Variants in CACNG3 observed in about 807,000 individuals in gnomAD.
CACNG3 encodes calcium voltage-gated channel auxiliary subunit gamma 3, also known as voltage-dependent calcium channel gamma-3 subunit.
Under a neutral mutation model 28.5 loss-of-function variants are expected in CACNG3, and 3 were observed. That is an observed-to-expected ratio of 0.11 (90% CI 0.05 to 0.27). The LOEUF (loss-of-function observed/expected upper bound fraction) is 0.27. Ranked by LOEUF, CACNG3 falls within the 10% of genes least tolerant of loss-of-function variation. CACNG3 has a pLI of 1.00. For missense variants in CACNG3, 236 were observed against 414.4 expected (o/e 0.57, Z 3.74); for synonymous variants, 174 against 162.2 (o/e 1.07, Z -0.55).
In CACNG3 at chr16:24,362,019, C is replaced by A; in HGVS notation, c.*156C>A. On this transcript the variant is annotated 3_prime_UTR_variant, in exon 4 of 4. Coordinates refer to ENST00000005284, the MANE Select transcript of CACNG3 (RefSeq NM_006539.4). ...GCCCTCTCCCACATTTTCCCCTCAC[C>A]CTCCAAGTCCTAACCCCTCCATCCT... 1 of 679,084 alleles carries A rather than the reference C, an allele frequency of 1.5e-6. No homozygotes were observed. Among genetic ancestry groups the A allele is most frequent in the Non-Finnish European group, 2.4e-6 (1 of 418,038 alleles). The allele number at this position is 679,084 out of a possible 1,614,324, so 42.1% of individuals were successfully genotyped here.
intron 1 of CACNG3, among the ~76,000 whole-genome samples, chr16:24,307,574 A>C (rs939955346): frequency 7.9e-5 from 12 of 151,844 alleles, no homozygotes; most frequent in African/African-American, 2.9e-4. Context: ...ATCCCAAAAA[A>C]CCTCTGGTAT....
At chr16:24,281,680 T>A (rs1021887148) in intron 1 of CACNG3, among the ~76,000 whole-genome samples, 3 of 152,288 alleles carry the variant, frequency 2.0e-5, no homozygotes, top group East Asian at 1.9e-4. Context: ...CGTGATTCAA[T>A]CTTGAAGTAG....
intron 1 of CACNG3, among the ~76,000 whole-genome samples, chr16:24,337,603 G>A (rs1434273551): frequency 6.6e-6 from 1 of 151,926 alleles, no homozygotes; most frequent in East Asian, 1.9e-4. Context: ...GATAGCTTGA[G>A]CTCAAGAGTT....
chr16:24,281,457 A>G (rs1898826504), intron 1 of CACNG3, among the ~76,000 whole-genome samples: 1 of 151,448 alleles, frequency 6.6e-6, no homozygotes, highest in Non-Finnish European at 1.5e-5. Flanking sequence ...TCCTCCCCCT[A>G]CCTTAGCCTT....
chr16:24,337,464 G>C (rs1345817880), intron 1 of CACNG3, among the ~76,000 whole-genome samples: 1 of 151,988 alleles, frequency 6.6e-6, no homozygotes, highest in Non-Finnish European at 1.5e-5. Context: ...CCCCTTTTCA[G>C]CTCAAGTACC....
intron 1 of CACNG3, among the ~76,000 whole-genome samples, chr16:24,325,838 G>A (rs1899533665): frequency 6.6e-6 from 1 of 152,214 alleles, no homozygotes; most frequent in African/African-American, 2.4e-5. Flanking sequence ...GTTCCAAACA[G>A]GTGAGGACTC....
At chr16:24,334,346 G>A (rs995207613) in intron 1 of CACNG3, among the ~76,000 whole-genome samples, 2 of 152,142 alleles carry the variant, frequency 1.3e-5, no homozygotes, top group African/African-American at 4.8e-5. Flanking sequence ...CACTGTGGCT[G>A]GGCTAGGTGG....
intron 1 of CACNG3, among the ~76,000 whole-genome samples, chr16:24,338,565 G>A (rs2141376678): frequency 6.6e-6 from 1 of 152,092 alleles, no homozygotes; most frequent in Admixed American, 6.5e-5. Flanking sequence ...GGATGGTCTC[G>A]AACCCTTGAC....
chr16:24,319,067 C>T (rs1299506463), intron 1 of CACNG3, among the ~76,000 whole-genome samples: 2 of 152,182 alleles, frequency 1.3e-5, no homozygotes, highest in Non-Finnish European at 2.9e-5. Context: ...GAGATACTCA[C>T]TTTCCATTTA....
chr16:24,295,570 G>A (rs1204250945), intron 1 of CACNG3, among the ~76,000 whole-genome samples: 1 of 152,186 alleles, frequency 6.6e-6, no homozygotes, highest in South Asian at 2.1e-4. Context: ...TTTAATGCCA[G>A]GTGTGGTGGC....
intron 1 of CACNG3, among the ~76,000 whole-genome samples, chr16:24,283,372 T>C (rs906302417): frequency 6.6e-6 from 1 of 152,182 alleles, no homozygotes; most frequent in African/African-American, 2.4e-5. Flanking sequence ...TTCTTTTAGG[T>C]TGTTTAGAGA....
chr16:24,357,375 G>GATACACA (rs1900047259), intron 3 of CACNG3, among the ~76,000 whole-genome samples: 1 of 152,086 alleles, frequency 6.6e-6, no homozygotes, highest in South Asian at 2.1e-4. Context: ...AAAATTCAAG[G>GATACACA]TGAGATTTGG....
In CACNG3 at chr16:24,257,070, A is replaced by G. The variant is rs1469821628; in HGVS notation, c.211+105A>G. On this transcript the variant is annotated intron_variant, in intron 1 of 3. Coordinates refer to ENST00000005284, the MANE Select transcript of CACNG3 (RefSeq NM_006539.4). ...TGATAAGGAAAGAAGAGAAGTTCAA[A>G]TTATTGCTGAGAATGTGCAGGTGCC... 1.5e-5 allele frequency: 11 copies of G among 744,376 alleles called. No individual in the cohort carries two copies. The Admixed American group carries it at 2.4e-4, about 16-fold the overall frequency. 46.1% of individuals were successfully genotyped at this position (744,376 alleles called of 1,614,324 possible).
chr16:24,334,212 T>A (rs1410389345), intron 1 of CACNG3, among the ~76,000 whole-genome samples: 1 of 152,186 alleles, frequency 6.6e-6, no homozygotes, highest in Non-Finnish European at 1.5e-5. Flanking sequence ...GGCCTCTGTT[T>A]TGAGCTCTAA....
At chr16:24,347,759 G>A (rs1899889105) in intron 2 of CACNG3, among the ~76,000 whole-genome samples, 1 of 152,226 alleles carries the variant, frequency 6.6e-6, no homozygotes. Context: ...AAAGAATGTG[G>A]TGGCTTTGAG....
At chr16:24,313,173 T>G (rs1899298788) in intron 1 of CACNG3, among the ~76,000 whole-genome samples, 1 of 152,192 alleles carries the variant, frequency 6.6e-6, no homozygotes, top group Admixed American at 6.5e-5. Flanking sequence ...ATTAGTCTTT[T>G]TAAAAAATAA....
At position 24,359,981 on chromosome 16, in the gene CACNG3, C is replaced by A. The variant is rs565425949; in HGVS notation, c.437-1371C>A. On this transcript the variant is annotated intron_variant, in intron 3 of 3. Coordinates refer to ENST00000005284, the MANE Select transcript of CACNG3 (RefSeq NM_006539.4). ...GTCTCCTGCTCTACCAAGCTTTAAC[C>A]CTTTGGTTGCTGGACTGTAGGGAGA... Among the ~76,000 whole-genome samples, 7 of 152,334 alleles carry A rather than the reference C, an allele frequency of 4.6e-5. 1 individual carries two copies. The highest frequency in any genetic ancestry group is 1.3e-4 in the Admixed American group (2 of 15,294).
At chr16:24,267,208 C>T (rs1038532241) in intron 1 of CACNG3, among the ~76,000 whole-genome samples, 3 of 152,042 alleles carry the variant, frequency 2.0e-5, no homozygotes, top group South Asian at 2.1e-4. Flanking sequence ...TCTTGTGATC[C>T]GCCCGCCTTG....
At chr16:24,268,664 A>C (rs1448045775) in intron 1 of CACNG3, among the ~76,000 whole-genome samples, 2 of 152,194 alleles carry the variant, frequency 1.3e-5, no homozygotes, top group African/African-American at 4.8e-5. Context: ...ATTTTTCTTT[A>C]AAAAAGTAAC....
Sources: gnomAD v4.1 joint callset for allele counts (sites outside exome capture counted in the v4.1 genomes callset) on GRCh38, gnomAD v4.1.1 for gene constraint, MANE v1.5 for transcripts, NCBI Gene and HGNC (gene_info 2026-07-23, HGNC 2026-07-21) for gene names.